BCAT1: variants seen among roughly 807,000 people sequenced by gnomAD.
BCAT1 encodes branched chain amino acid transaminase 1.
In BCAT1, 48 loss-of-function variants were observed where a neutral mutation model predicts 52.4. The observed-to-expected ratio is 0.92, with a 90% CI of 0.73 to 1.16. The LOEUF is 1.16. Ranked by LOEUF, BCAT1 falls within the 50% of genes most tolerant of loss-of-function variation. The probability of loss-of-function intolerance (pLI) is 0.00; values close to 1 mark genes in which losing one functional copy is unlikely to be tolerated. For missense variants in BCAT1, 451 were observed against 457.1 expected, an observed-to-expected ratio of 0.99 and a Z score of 0.12; for synonymous variants, 167 against 161.3, an observed-to-expected ratio of 1.04 and a Z score of -0.27.
intron 6 of BCAT1, among the ~76,000 whole-genome samples, chr12:24,845,219 CAA>C (rs567739313): frequency 1.9e-4 from 21 of 109,780 alleles, no homozygotes; most frequent in Admixed American, 2.9e-4. Context: ...CCCCTCCCAG[CAA>C]AAAAAAAAAA....
chr12:24,866,376 C>CT (rs1942009148), intron 5 of BCAT1, among the ~76,000 whole-genome samples: 1 of 140,348 alleles, frequency 7.1e-6, no homozygotes, highest in Non-Finnish European at 1.6e-5. Context: ...GAGCCTCCCG[C>CT]CCCCCGCCAC....
chr12:24,878,921 A>C (rs1056587136), intron 4 of BCAT1, among the ~76,000 whole-genome samples: 6 of 152,140 alleles, frequency 3.9e-5, no homozygotes, highest in Non-Finnish European at 8.8e-5. Flanking sequence ...AAAAATTTTA[A>C]AGTAATAATA....
At chr12:24,848,061 C>G (rs1417540429) in intron 6 of BCAT1, among the ~76,000 whole-genome samples, 3 of 152,162 alleles carry the variant, frequency 2.0e-5, no homozygotes, top group Admixed American at 1.3e-4. Context: ...AAATGCCCAT[C>G]CTTTTGGTTA....
intron 4 of BCAT1, among the ~76,000 whole-genome samples, chr12:24,879,100 T>A (rs1237763200): frequency 2.0e-5 from 3 of 152,130 alleles, no homozygotes; most frequent in African/African-American, 7.2e-5. Context: ...ATTTAAAAAG[T>A]ACAAAATATC....
At chr12:24,882,580 T>G in intron 3 of BCAT1, among the ~76,000 whole-genome samples, 1 of 150,226 alleles carries the variant, frequency 6.7e-6, no homozygotes, top group East Asian at 2.0e-4. Context: ...ATGCAAATAC[T>G]TTATTTTTTA....
intron 3 of BCAT1, 34 bp downstream of exon 3, chr12:24,894,241 A>G: frequency 1.9e-6 from 3 of 1,598,678 alleles, no homozygotes; most frequent in South Asian, 1.1e-5. Flanking sequence ...GTGAAGTGCA[A>G]GCATGTCACT....
chr12:24,866,814 C>A (rs569100736), intron 5 of BCAT1, among the ~76,000 whole-genome samples: 51 of 152,202 alleles, frequency 3.4e-4, no homozygotes, highest in African/African-American at 1.2e-3. Context: ...CCAATCAGCT[C>A]TCTGTAAAAT....
Position 24,866,628 on chromosome 12 carries a change from G to A in BCAT1, c.510+11902C>T, listed in dbSNP as rs372142771. 4.9e-4 allele frequency among the ~76,000 whole-genome samples: 75 copies of A among 152,320 alleles called. No homozygotes were observed. In the South Asian group the frequency reaches 6.8e-3, roughly 14 times the overall value. ...AGAGATTGTAAATACACCAATCGGCGCTCTGTATCTAGCTCAAGGTTTGTA... is the reference window on the plus strand; with the variant it reads ...AGAGATTGTAAATACACCAATCGGCACTCTGTATCTAGCTCAAGGTTTGTA... On this transcript the variant is annotated intron_variant, in intron 5 of 10. Coordinates refer to ENST00000261192, the MANE Select transcript of BCAT1 (RefSeq NM_005504.7).
intron 1 of BCAT1, among the ~76,000 whole-genome samples, chr12:24,930,313 CCCAGCAAGTA>C (rs1943658713): frequency 6.6e-6 from 1 of 152,224 alleles, no homozygotes; most frequent in Non-Finnish European, 1.5e-5. Flanking sequence ...GTCTCCTTGC[CCCAGCAAGTA>C]GCCTTCTTAG....
At chr12:24,909,562 C>CT (rs2139698803) in intron 1 of BCAT1, among the ~76,000 whole-genome samples, 1 of 152,270 alleles carries the variant, frequency 6.6e-6, no homozygotes, top group South Asian at 2.1e-4. Flanking sequence ...GCCCAGCTTC[C>CT]TTTGGAACCT....
chr12:24,885,111 G>T (rs563941116), intron 3 of BCAT1, among the ~76,000 whole-genome samples: 1 of 152,190 alleles, frequency 6.6e-6, no homozygotes, highest in Admixed American at 6.5e-5. Flanking sequence ...TAAAATATCA[G>T]CTTGGAGATG....
At position 24,933,504 on chromosome 12, in the gene BCAT1, C is replaced by G. The variant is rs149375673; in HGVS notation, c.6+15423G>C. ...TGCAACTTTACCTGCTCTTCACCCT[C>G]TGATATGGTTTGGTTTGGCTCTGTG... is the stretch of plus-strand genomic sequence containing the variant. On this transcript the variant is annotated intron_variant, in intron 1 of 10. Transcript: ENST00000261192. Among the ~76,000 whole-genome samples, 12 of 152,220 alleles carry G rather than the reference C, an allele frequency of 7.9e-5. 1 individual carries two copies. The East Asian group carries it at 2.3e-3, about 29-fold the overall frequency.
chr12:24,914,931 A>C (rs745426574), intron 1 of BCAT1, among the ~76,000 whole-genome samples: 7 of 152,226 alleles, frequency 4.6e-5, no homozygotes, highest in Non-Finnish European at 1.0e-4. Flanking sequence ...ACAATTATCA[A>C]GACTAGAATC....
At chr12:24,883,923 G>A (rs1327378017) in intron 3 of BCAT1, among the ~76,000 whole-genome samples, 6 of 152,108 alleles carry the variant, frequency 3.9e-5, no homozygotes, top group Non-Finnish European at 7.4e-5. Flanking sequence ...ATGCTCACTC[G>A]CAGCTGCTCA....
At chr12:24,898,074 CGTT>C (rs2139665185) in intron 2 of BCAT1, among the ~76,000 whole-genome samples, 1 of 152,170 alleles carries the variant, frequency 6.6e-6, no homozygotes, top group Admixed American at 6.5e-5. Flanking sequence ...ACATGTGACT[CGTT>C]TGGGGCAGAT....
At chr12:24,849,144 C>T (rs1049653716) in intron 6 of BCAT1, among the ~76,000 whole-genome samples, 3 of 152,218 alleles carry the variant, frequency 2.0e-5, no homozygotes, top group African/African-American at 4.8e-5. Flanking sequence ...TCTCGTTCAC[C>T]CATAGGGGCA....
At chr12:24,898,287 C>T (rs1173861811) in intron 2 of BCAT1, among the ~76,000 whole-genome samples, 1 of 152,248 alleles carries the variant, frequency 6.6e-6, no homozygotes, top group East Asian at 1.9e-4. Flanking sequence ...TCCCTGATGA[C>T]ATCGAAGTCA....
chr12:24,887,080 A>AAAAAAAAAAAAAAATATATAT (rs1245203518), intron 3 of BCAT1, among the ~76,000 whole-genome samples: 1 of 40,746 alleles, frequency 2.5e-5, no homozygotes, highest in African/African-American at 7.7e-5. Flanking sequence ...AAAAAAAAAA[A>AAAAAAAAAAAAAAATATATAT]ATATATATAT....
At chr12:24,900,889 C>T (rs1943085924) in intron 2 of BCAT1, among the ~76,000 whole-genome samples, 1 of 152,186 alleles carries the variant, frequency 6.6e-6, no homozygotes, top group Non-Finnish European at 1.5e-5. Context: ...TGAGATCGTG[C>T]CACTGCACTC....
Sources: allele counts gnomAD v4.1 joint callset (sites outside exome capture counted in the v4.1 genomes callset), GRCh38; gene constraint gnomAD v4.1.1; transcripts MANE v1.5; gene names NCBI Gene and HGNC (gene_info 2026-07-23, HGNC 2026-07-21).